Variants in AFAP1L2 observed in about 807,000 individuals in gnomAD.
The protein encoded by AFAP1L2 is actin filament associated protein 1 like 2, also known as actin filament-associated protein 1-like 2.
A neutral mutation model predicts 99.3 loss-of-function variants in AFAP1L2; 46 were observed. That is an observed-to-expected ratio of 0.46 (90% CI 0.37 to 0.59). AFAP1L2 has a LOEUF of 0.59. AFAP1L2 is among the 20% of genes least tolerant of loss of function. The pLI is 0.00. For synonymous variants in AFAP1L2, 397 were observed against 419.1 expected, an observed-to-expected ratio of 0.95 and a Z score of 0.64; for missense variants, 959 against 1,034.9, an observed-to-expected ratio of 0.93 and a Z score of 1.01.
intron 4 of AFAP1L2, among the ~76,000 whole-genome samples, chr10:114,328,195 C>T (rs536302142): frequency 1.3e-5 from 2 of 152,322 alleles, no homozygotes; most frequent in South Asian, 4.1e-4. Flanking sequence ...CCCCTGGCTG[C>T]CCCTTCTATT....
intron 1 of AFAP1L2, among the ~76,000 whole-genome samples, chr10:114,383,966 T>G (rs929392223): frequency 6.6e-6 from 1 of 152,152 alleles, no homozygotes; most frequent in Non-Finnish European, 1.5e-5. Context: ...ACAGGAAGAA[T>G]GAAGCAGGCC....
At chr10:114,310,279 C>T in intron 8 of AFAP1L2, 75 bp downstream of exon 8, 2 of 1,430,842 alleles carry the variant, frequency 1.4e-6, no homozygotes, top group Non-Finnish European at 1.9e-6. Flanking sequence ...AAACGAAGCT[C>T]CCAATTTTGC....
At chr10:114,376,078 G>A (rs1411407463) in intron 1 of AFAP1L2, among the ~76,000 whole-genome samples, 1 of 152,152 alleles carries the variant, frequency 6.6e-6, no homozygotes, top group South Asian at 2.1e-4. Flanking sequence ...TGGAATCTGG[G>A]AAAACAAAAT....
At chr10:114,401,723 G>C (rs1321237683) in intron 1 of AFAP1L2, among the ~76,000 whole-genome samples, 1 of 152,124 alleles carries the variant, frequency 6.6e-6, no homozygotes, top group Non-Finnish European at 1.5e-5. Context: ...TCTGCAACAG[G>C]CATGTCACAT....
intron 1 of AFAP1L2, among the ~76,000 whole-genome samples, chr10:114,343,731 C>T (rs184512366): frequency 6.6e-6 from 1 of 152,306 alleles, no homozygotes; most frequent in East Asian, 1.9e-4. Flanking sequence ...GCAAAAGTTG[C>T]CCTGTTGCCC....
At chr10:114,336,851 T>C (rs2048049489) in intron 2 of AFAP1L2, among the ~76,000 whole-genome samples, 1 of 151,788 alleles carries the variant, frequency 6.6e-6, no homozygotes, top group Admixed American at 6.6e-5. Context: ...GCAAAGAGGG[T>C]AGAAAAATTT....
chr10:114,283,240 GGCAGTTAGACACACAGGCAGGGCAGCGA>G, the AFAP1L2 span, among the ~76,000 whole-genome samples: 9 of 152,132 alleles, frequency 5.9e-5, no homozygotes, highest in South Asian at 2.1e-4. Flanking sequence ...AAGCAATGCC[GGCAGTTAGACACACAGGCAGGGCAGCGA>G]GCAGTTAGAC....
rs1388535140 is a variant in AFAP1L2, at chr10:114,323,188, T to C, written c.389A>G (p.Tyr130Cys). Residue 130 changes from tyrosine (Y) to cysteine (C), a missense_variant, in exon 5 of 19, where the codon TAT (tyrosine) becomes TGT (cysteine). Tyr to Cys is a radical substitution (Grantham distance 194). Around this residue, in one of 2 missense-constraint regions of AFAP1L2, gnomAD observed 383 missense variants for 472.8 expected, o/e 0.81. Coordinates refer to ENST00000304129, the MANE Select transcript of AFAP1L2 (RefSeq NM_001001936.3). Reference sequence around the variant, plus strand: ...GGATGTACCATTGAGGGATGTGTCATATGGCTCAGCCTCTTCATAGTAGCC... The same window carrying C: ...GGATGTACCATTGAGGGATGTGTCACATGGCTCAGCCTCTTCATAGTAGCC... The part of the protein sequence containing the change: ...PEGYYEEAEP[Y>C]DTSLNEDGEA... The C allele has an allele frequency of 1.3e-6, 2 of 1,598,942 alleles. No individual in the cohort carries two copies. Among genetic ancestry groups the C allele is most frequent in the South Asian group, 1.1e-5 (1 of 88,264 alleles).
At chr10:114,340,409 G>C (rs542614043) in intron 2 of AFAP1L2, among the ~76,000 whole-genome samples, 194 bp downstream of exon 2, 1 of 152,132 alleles carries the variant, frequency 6.6e-6, no homozygotes, top group African/African-American at 2.4e-5. Context: ...CCATCAGCCC[G>C]CCAGGGAGAG....
chr10:114,373,975 T>C (rs493347), intron 1 of AFAP1L2, among the ~76,000 whole-genome samples: 138,994 of 152,098 alleles, frequency 0.91, 64,530 homozygotes, highest in East Asian at 1. Flanking sequence ...AAGACCACCC[T>C]TTCCTAGGAT....
rs72823085 is a variant in AFAP1L2, at chr10:114,313,798, T to C, written c.792+73A>G. The C allele has an allele frequency of 0.02, 28,955 of 1,451,718 alleles. 339 individuals carry two copies. Among genetic ancestry groups the C allele is most frequent in the Middle Eastern group, 0.038 (171 of 4,464 alleles). 89.9% of individuals were successfully genotyped at this position (1,451,718 alleles called of 1,614,324 possible). The stretch of plus-strand genomic sequence containing the variant: ...CACAAATCCTCTACCCCTGACCCTA[T>C]CATCCATCCCTTTAGAAAAGCTGGG... On this transcript the variant is annotated intron_variant, in intron 7 of 18. Transcript: ENST00000304129.
chr10:114,296,258 A>G (rs2040211369), intron 18 of AFAP1L2, 190 bp from the exon 19 acceptor site: 1 of 714,372 alleles, frequency 1.4e-6, no homozygotes. Flanking sequence ...AGACTGTGGC[A>G]CAACAGCGAG....
At chr10:114,333,628 G>T (rs1475343264) in intron 2 of AFAP1L2, among the ~76,000 whole-genome samples, 1 of 152,064 alleles carries the variant, frequency 6.6e-6, no homozygotes, top group African/African-American at 2.4e-5. Context: ...GACCAGCCTG[G>T]CCAACATGGT....
At position 114,323,166 on chromosome 10, in the gene AFAP1L2, T is replaced by A. The variant is rs1453358716; in HGVS notation, c.406+5A>T. ...CCCTCCCAAGCCCCAGCCGCTGGGA[T>A]GTACCATTGAGGGATGTGTCATATG... is the stretch of plus-strand genomic sequence containing the variant. On this transcript the variant is annotated splice_donor_5th_base_variant and intron_variant, in intron 5 of 18. Coordinates refer to ENST00000304129, the MANE Select transcript of AFAP1L2 (RefSeq NM_001001936.3). 1.3e-6 allele frequency: 2 copies of A among 1,589,436 alleles called. No individual in the cohort carries two copies. Among genetic ancestry groups the A allele is most frequent in the Admixed American group, 3.5e-5 (2 of 57,226 alleles).
At chr10:114,345,200 C>CGGTGG (rs559649724) in intron 1 of AFAP1L2, among the ~76,000 whole-genome samples, 5 of 144,906 alleles carry the variant, frequency 3.5e-5, no homozygotes, top group South Asian at 2.3e-4. Context: ...CTCTGTGTAT[C>CGGTGG]GGGGGAACAT....
intron 1 of AFAP1L2, 45 bp downstream of exon 1, chr10:114,404,395 C>T: frequency 6.5e-7 from 1 of 1,529,724 alleles, no homozygotes; most frequent in Middle Eastern, 1.7e-4. Context: ...CGTCGCTGGG[C>T]GAAAGGGAGT....
intron 7 of AFAP1L2, among the ~76,000 whole-genome samples, chr10:114,311,300 A>G (rs1254177666): frequency 6.6e-6 from 1 of 152,178 alleles, no homozygotes; most frequent in African/African-American, 2.4e-5. Flanking sequence ...GGGAACTCCC[A>G]GGGCGACCAG....
chr10:114,371,450 G>T (rs1266436874), intron 1 of AFAP1L2, among the ~76,000 whole-genome samples: 1 of 152,116 alleles, frequency 6.6e-6, no homozygotes, highest in Non-Finnish European at 1.5e-5. Context: ...CCCCTCATCA[G>T]TCCCCCGCGA....
intron 1 of AFAP1L2, among the ~76,000 whole-genome samples, chr10:114,356,755 A>G (rs549813315): frequency 6.6e-6 from 1 of 152,358 alleles, no homozygotes; most frequent in South Asian, 2.1e-4. Context: ...AATTTCGAGT[A>G]GTTTTGTATC....
Sources: gnomAD v4.1 joint callset for allele counts (sites outside exome capture counted in the v4.1 genomes callset) on GRCh38, gnomAD v4.1.1 for gene constraint, gnomAD v4.1.1 regional missense constraint, MANE v1.5 for transcripts, NCBI Gene and HGNC (gene_info 2026-07-23, HGNC 2026-07-21) for gene names.